N4BP1: variants seen among roughly 807,000 people sequenced by gnomAD.
N4BP1 encodes NEDD4 binding protein 1.
In N4BP1, 21 loss-of-function variants were observed where a neutral mutation model predicts 70.9. The observed-to-expected ratio is 0.30, with a 90% CI of 0.21 to 0.43. The LOEUF (loss-of-function observed/expected upper bound fraction) is 0.43, where lower values mean the gene tolerates loss of function less well. N4BP1 is among the 20% of genes least tolerant of loss of function. The probability of loss-of-function intolerance (pLI) is 1.00; values close to 1 mark genes in which losing one functional copy is unlikely to be tolerated. For missense variants in N4BP1, 936 were observed against 1,069.4 expected (o/e 0.88, Z 1.74); for synonymous variants, 387 against 394.6 (o/e 0.98, Z 0.23).
Position 48,561,145 on chromosome 16 carries a change from T to A in N4BP1, c.1498A>T (p.Ser500Cys). 6.2e-7 allele frequency: 1 copy of A among 1,614,010 alleles called. No homozygotes were observed. The highest frequency in any genetic ancestry group is 1.3e-5 in the African/African-American group (1 of 75,044). Residue 500 changes from serine to cysteine, a missense_variant, in exon 2 of 7, where the codon AGT becomes TGT. Ser to Cys is a moderately radical substitution (Grantham distance 112). Transcript: ENST00000262384. ...DGLSPSVASP[S>C]PKEVNFVSRG... is the part of the protein sequence containing the mutation. ...GAAACAAAATTGACTTCTTTGGGAC[T>A]TGGAGAGGCAACAGAAGGTGAAAGG... is the stretch of plus-strand genomic sequence containing the variant.
chr16:48,555,926 C>T (rs1963744665), intron 2 of N4BP1, among the ~76,000 whole-genome samples: 1 of 152,192 alleles, frequency 6.6e-6, no homozygotes, highest in African/African-American at 2.4e-5. Flanking sequence ...TGTGTGCTAC[C>T]TACTCTCCCT....
At chr16:48,575,383 C>T (rs180937037) in intron 1 of N4BP1, among the ~76,000 whole-genome samples, 109 of 152,242 alleles carry the variant, frequency 7.2e-4, no homozygotes, top group African/African-American at 2.6e-3. Context: ...GGGGGAGGGG[C>T]ATGATATACA....
Position 48,551,370 on chromosome 16 carries a change from G to C in N4BP1, c.2117+16C>G. 1 of 1,607,128 alleles carries C rather than the reference G, an allele frequency of 6.2e-7. No individual in the cohort carries two copies. On this transcript the variant is annotated intron_variant, in intron 4 of 6. Transcript: ENST00000262384. ...CACCCCACTCCAACCTTAGGAAGGA[G>C]AATGGCCTTTCATACCTGTCATCAT...
intron 1 of N4BP1, chr16:48,600,572 C>T (rs1028684882): frequency 2.6e-5 from 15 of 571,094 alleles, no homozygotes; most frequent in Admixed American, 9.8e-5. Context: ...CTGAGTTCCT[C>T]TTGCAGGCAA....
chr16:48,558,028 C>T (rs1479226515), intron 2 of N4BP1, among the ~76,000 whole-genome samples: 2 of 152,126 alleles, frequency 1.3e-5, no homozygotes, highest in Non-Finnish European at 2.9e-5. Flanking sequence ...ATGGCATTTA[C>T]TACGTTCGCA....
At chr16:48,600,469 G>A (rs1410763272) in intron 1 of N4BP1, 20 of 611,692 alleles carry the variant, frequency 3.3e-5, no homozygotes, top group Admixed American at 1.5e-4. Context: ...AAACAGAAAC[G>A]CCAAGCTAAA....
intron 2 of N4BP1, among the ~76,000 whole-genome samples, chr16:48,558,586 C>T (rs993561943): frequency 2.6e-5 from 4 of 152,194 alleles, no homozygotes; most frequent in Admixed American, 6.5e-5. Flanking sequence ...GCATCAGGAT[C>T]GCTGCTCATT....
At chr16:48,606,988 A>G (rs1964592436) in intron 1 of N4BP1, among the ~76,000 whole-genome samples, 1 of 152,198 alleles carries the variant, frequency 6.6e-6, no homozygotes, top group South Asian at 2.1e-4. Flanking sequence ...TCCTCCTTCA[A>G]GAAAGTAAAA....
At chr16:48,598,956 T>C (rs569907005) in intron 1 of N4BP1, among the ~76,000 whole-genome samples, 1 of 152,282 alleles carries the variant, frequency 6.6e-6, no homozygotes, top group East Asian at 1.9e-4. Flanking sequence ...TAAAAAGTTG[T>C]ATCTCCTTTA....
At chr16:48,586,306 T>C (rs1964244588) in intron 1 of N4BP1, among the ~76,000 whole-genome samples, 1 of 152,240 alleles carries the variant, frequency 6.6e-6, no homozygotes, top group Admixed American at 6.5e-5. Flanking sequence ...CACACCACCA[T>C]GCTTAACTAC....
chr16:48,608,066 G>T (rs1192073488), intron 1 of N4BP1, among the ~76,000 whole-genome samples: 1 of 152,170 alleles, frequency 6.6e-6, no homozygotes, highest in Admixed American at 6.5e-5. Flanking sequence ...CTGCACTCCA[G>T]TGTGGGTGAC....
chr16:48,602,855 T>C (rs1482529802), intron 1 of N4BP1, among the ~76,000 whole-genome samples: 2 of 152,064 alleles, frequency 1.3e-5, no homozygotes, highest in Non-Finnish European at 1.5e-5. Flanking sequence ...TGGTGGCACA[T>C]GCCTATAGTC....
chr16:48,584,192 G>A (rs190526966), intron 1 of N4BP1, among the ~76,000 whole-genome samples: 64 of 152,242 alleles, frequency 4.2e-4, no homozygotes, highest in Admixed American at 3.3e-3. Context: ...TGATCTGTCC[G>A]GTAGACAATA....
In N4BP1 at chr16:48,595,406, G is replaced by A. The variant is rs575694242; in HGVS notation, c.198+14369C>T. On this transcript the variant is annotated intron_variant, in intron 1 of 6. Coordinates refer to ENST00000262384, the MANE Select transcript of N4BP1 (RefSeq NM_153029.4). The stretch of plus-strand genomic sequence containing the variant: ...CAGGGGGCAGAGGTTGTAGTGAGCC[G>A]AGATCACACCACTGCACTCAAGCCT... 3.2e-5 allele frequency among the ~76,000 whole-genome samples: 4 copies of A among 124,158 alleles called. No homozygotes were observed. The South Asian group carries it at 7.9e-4, about 25-fold the overall frequency. The allele number at this position is 124,158 out of a possible 152,430, so 81.5% of individuals were successfully genotyped here. A position where few individuals can be genotyped will look rare whatever the true frequency, so the allele number is the denominator to read the frequency against.
Position 48,610,100 on chromosome 16 carries a change from C to G in N4BP1, c.-128G>C, listed in dbSNP as rs1039480455. On this transcript the variant is annotated 5_prime_UTR_variant, in exon 1 of 7. Transcript: ENST00000262384. ...CCGGCCGCCTCGCCCCCGCCCGCGC[C>G]CCGCCGCCCGCCCTCAGGCCCGGCT... 4.5e-5 allele frequency: 15 copies of G among 334,726 alleles called. No individual in the cohort carries two copies. The highest frequency in any genetic ancestry group is 3.4e-4 in the African/African-American group (15 of 44,566). The allele number at this position is 334,726 out of a possible 1,614,324, so 20.7% of individuals were successfully genotyped here.
intron 2 of N4BP1, among the ~76,000 whole-genome samples, chr16:48,554,292 CTG>C (rs1346778486): frequency 2.6e-5 from 4 of 152,190 alleles, no homozygotes; most frequent in African/African-American, 9.7e-5. Flanking sequence ...CCACCCAACT[CTG>C]AATGTGAAAA....
intron 1 of N4BP1, chr16:48,577,657 C>G (rs1964114261): frequency 4.5e-6 from 1 of 222,394 alleles, no homozygotes; most frequent in Non-Finnish European, 9.3e-6. Flanking sequence ...GGGGGTCAGG[C>G]AGCTGTAGGT....
intron 1 of N4BP1, among the ~76,000 whole-genome samples, chr16:48,585,089 G>GCC (rs1400389221): frequency 6.6e-6 from 1 of 151,872 alleles, no homozygotes; most frequent in Admixed American, 6.6e-5. Flanking sequence ...CTGCCACCAT[G>GCC]CCTGGCTAAT....
At chr16:48,583,108 A>T (rs1964197462) in intron 1 of N4BP1, among the ~76,000 whole-genome samples, 1 of 152,144 alleles carries the variant, frequency 6.6e-6, no homozygotes, top group African/African-American at 2.4e-5. Context: ...AATAAATAAA[A>T]TAATAAAAGA....
Sources: allele counts gnomAD v4.1 joint callset (sites outside exome capture counted in the v4.1 genomes callset), GRCh38; gene constraint gnomAD v4.1.1; transcripts MANE v1.5; gene names NCBI Gene and HGNC (gene_info 2026-07-23, HGNC 2026-07-21).